The following PIK3R5 variants were observed in gnomAD, a reference collection of about 807,000 sequenced individuals.
The protein encoded by PIK3R5 is phosphoinositide-3-kinase regulatory subunit 5.
Under a neutral mutation model 94.9 loss-of-function variants are expected in PIK3R5, and 32 were observed. That is an observed-to-expected ratio of 0.34 (90% CI 0.25 to 0.45). PIK3R5 has a LOEUF of 0.45. Ranked by LOEUF, PIK3R5 falls within the 20% of genes least tolerant of loss-of-function variation. The pLI is 1.00. For synonymous variants in PIK3R5, 443 were observed against 479.4 expected (o/e 0.92, Z 0.99); for missense variants, 853 against 1,144.6 (o/e 0.75, Z 3.68).
intron 1 of PIK3R5, among the ~76,000 whole-genome samples, chr17:8,954,803 G>A (rs1475220333): frequency 6.6e-6 from 1 of 151,918 alleles, no homozygotes; most frequent in Non-Finnish European, 1.5e-5. Context: ...CTGGTGTAGT[G>A]GCGGGCACCT....
At position 8,920,696 on chromosome 17, in the gene PIK3R5, T is replaced by C. The variant is rs1193639211; in HGVS notation, c.-13-9189A>G. 3.3e-5 allele frequency among the ~76,000 whole-genome samples: 5 copies of C among 152,342 alleles called. No individual in the cohort carries two copies. The East Asian group carries it at 9.6e-4, about 29-fold the overall frequency. On this transcript the variant is annotated intron_variant, in intron 1 of 18. Transcript: ENST00000447110. ...ACAATATCATTCACTTTAATCAAGATTTTAAAGTTAATTAGCAAGAATCAG... is the reference window on the plus strand; with the variant it reads ...ACAATATCATTCACTTTAATCAAGACTTTAAAGTTAATTAGCAAGAATCAG...
chr17:8,909,067 C>T lies in PIK3R5; in HGVS notation c.204+7G>A, dbSNP rs1344472240. 5 of 1,574,912 alleles carry T rather than the reference C, an allele frequency of 3.2e-6. No individual in the cohort carries two copies. The East Asian group carries it at 1.1e-4, about 36-fold the overall frequency. The stretch of plus-strand genomic sequence containing the variant: ...GATCTGCCCTTCAATTCCTGACTCC[C>T]CCTCACCTCTCGGGTCTTCTGCAGG... On this transcript the variant is annotated splice_region_variant and intron_variant, in intron 3 of 18. Coordinates refer to ENST00000447110, the MANE Select transcript of PIK3R5 (RefSeq NM_001142633.3). This position sits in a 1 kb window ranked among gnomAD's most constrained non-coding sequence, Gnocchi z 4.3.
At chr17:8,938,822 T>C (rs1338557443) in intron 1 of PIK3R5, among the ~76,000 whole-genome samples, 2 of 152,222 alleles carry the variant, frequency 1.3e-5, no homozygotes, top group African/African-American at 4.8e-5. Context: ...CTCAAATGCT[T>C]GAATTTATGG....
intron 1 of PIK3R5, among the ~76,000 whole-genome samples, chr17:8,953,058 G>A (rs1369563474): frequency 6.6e-6 from 1 of 152,190 alleles, no homozygotes; most frequent in Non-Finnish European, 1.5e-5. Flanking sequence ...GACTGTAATA[G>A]CACAGTGCCT....
intron 5 of PIK3R5, among the ~76,000 whole-genome samples, chr17:8,894,396 T>C (rs9944492): frequency 0.028 from 4,215 of 152,146 alleles, 212 homozygotes; most frequent in African/African-American, 0.096. Flanking sequence ...AGCCAGGCAG[T>C]GGGTTTCGAG....
rs2151345560 is a variant in PIK3R5 at position 8,881,971 on chromosome 17, G to A, written c.2206-90C>T. 1.0e-6 allele frequency: 1 copy of A among 982,426 alleles called. No individual in the cohort carries two copies. Among genetic ancestry groups the A allele is most frequent in the East Asian group, 2.6e-5 (1 of 38,580 alleles). 60.9% of individuals were successfully genotyped at this position (982,426 alleles called of 1,614,324 possible). On this transcript the variant is annotated intron_variant, in intron 15 of 18. Transcript: ENST00000447110. This position sits in a 1 kb window ranked among gnomAD's most constrained non-coding sequence, Gnocchi z 4.8. Reference sequence around the variant, plus strand: ...GAAGGCCCATCAGTGACAGGGGGTTGCCTCTAGTTAGCATATCCCCAGAAA... The same window carrying A: ...GAAGGCCCATCAGTGACAGGGGGTTACCTCTAGTTAGCATATCCCCAGAAA...
At chr17:8,938,453 T>A (rs996718520) in intron 1 of PIK3R5, among the ~76,000 whole-genome samples, 3 of 152,246 alleles carry the variant, frequency 2.0e-5, no homozygotes, top group Admixed American at 6.5e-5. Flanking sequence ...ACTCACTAAG[T>A]ATGTAACCAT....
intron 1 of PIK3R5, among the ~76,000 whole-genome samples, chr17:8,938,801 T>A (rs4791770): frequency 0.98 from 149,094 of 152,332 alleles, 72,972 homozygotes; most frequent in African/African-American, 0.99. Context: ...TATATATTTG[T>A]AATTTTATTT....
chr17:8,926,012 G>A (rs888324107), intron 1 of PIK3R5, among the ~76,000 whole-genome samples: 1 of 152,196 alleles, frequency 6.6e-6, no homozygotes, highest in South Asian at 2.1e-4. Context: ...GAAGAGTGAG[G>A]AGAACACCTC....
Position 8,887,134 on chromosome 17 carries a change from G to A in PIK3R5, c.1867C>T (p.Leu623=), listed in dbSNP as rs762496723. Residue 623 remains leucine, a synonymous_variant, in exon 12 of 19, where the codon CTG becomes TTG. Coordinates refer to ENST00000447110, the MANE Select transcript of PIK3R5 (RefSeq NM_001142633.3). The stretch of plus-strand genomic sequence containing the variant: ...TCAGGGGGCAGGTGCATGAGGCCCA[G>A]TACATTGCGCTCATACCAGGGGTCC... The part of the protein sequence containing the change: ...MLDPWYERNV[L]GLMHLPPEVL... The A allele has an allele frequency of 2.5e-6, 4 of 1,613,982 alleles. No individual in the cohort carries two copies. The highest frequency in any genetic ancestry group is 1.1e-5 in the South Asian group (1 of 91,096).
intron 1 of PIK3R5, among the ~76,000 whole-genome samples, chr17:8,920,139 C>G (rs1442698398): frequency 5.3e-5 from 8 of 152,128 alleles, no homozygotes; most frequent in African/African-American, 1.9e-4. Flanking sequence ...CTGCCTCGGC[C>G]TCCCAAAGTG....
Position 8,888,868 on chromosome 17 carries a change from T to C in PIK3R5, c.919A>G (p.Lys307Glu), listed in dbSNP as rs61759659. ...CCTGGCTGGAGTAGCTCCTGTTCCT[T>C]GAGCAGGATTTCCTGCAGGATGTCT... ...SFDILQEILL[K>E]EQELLQPGIL... Residue 307 changes from lysine (K) to glutamate (E), a missense_variant, in exon 10 of 19, where the codon AAG becomes GAG. Transcript: ENST00000447110. The surrounding 1 kb of genome is among the most constrained non-coding windows in gnomAD (Gnocchi z 7.8). 2 of 1,601,296 alleles carry C rather than the reference T, an allele frequency of 1.2e-6. No individual in the cohort carries two copies. The highest frequency in any genetic ancestry group is 1.7e-6 in the Non-Finnish European group (2 of 1,177,772).
intron 1 of PIK3R5, among the ~76,000 whole-genome samples, chr17:8,948,338 A>G (rs2091316089): frequency 6.6e-6 from 1 of 152,184 alleles, no homozygotes; most frequent in African/African-American, 2.4e-5. Flanking sequence ...TTTAGTCAGC[A>G]GAAAATATGT....
Position 8,889,009 on chromosome 17 carries a change from C to T in PIK3R5, c.896-118G>A, listed in dbSNP as rs11654380. The T allele has an allele frequency of 0.28, 427,370 of 1,508,756 alleles. 63,792 individuals are homozygous for T. Among genetic ancestry groups the T allele is most frequent in the Non-Finnish European group, 0.31 (344,795 of 1,123,540 alleles). 93.5% of individuals were successfully genotyped at this position (1,508,756 alleles called of 1,614,324 possible). On this transcript the variant is annotated intron_variant, in intron 9 of 18. Coordinates refer to ENST00000447110, the MANE Select transcript of PIK3R5 (RefSeq NM_001142633.3). The surrounding 1 kb of genome is among the most constrained non-coding windows in gnomAD (Gnocchi z 4.1). ...CAGCCCAGGACTCCTAGCACTGCCC[C>T]CTTGCTCTGCTTAGAGCCTGCTCAT... is the stretch of plus-strand genomic sequence containing the variant.
intron 1 of PIK3R5, among the ~76,000 whole-genome samples, chr17:8,928,095 A>G (rs2090921985): frequency 6.6e-6 from 1 of 152,176 alleles, no homozygotes; most frequent in Non-Finnish European, 1.5e-5. Flanking sequence ...TATCCTTTAT[A>G]GCAGCACAAA....
chr17:8,933,759 T>C (rs1017160120), intron 1 of PIK3R5, among the ~76,000 whole-genome samples: 5 of 152,176 alleles, frequency 3.3e-5, no homozygotes, highest in Admixed American at 3.3e-4. Context: ...CCACTTGGAA[T>C]GCTGTACTTG....
At chr17:8,923,104 T>C (rs2090787939) in intron 1 of PIK3R5, among the ~76,000 whole-genome samples, 1 of 152,124 alleles carries the variant, frequency 6.6e-6, no homozygotes, top group South Asian at 2.1e-4. Context: ...CCAGATACCA[T>C]GCTTAGGGCT....
chr17:8,946,806 G>A (rs2091280137), intron 1 of PIK3R5, among the ~76,000 whole-genome samples: 1 of 151,988 alleles, frequency 6.6e-6, no homozygotes, highest in Admixed American at 6.6e-5. Context: ...TCTTCTAGGT[G>A]TCTGCCTGGC....
chr17:8,950,193 C>A (rs1241764601), intron 1 of PIK3R5, among the ~76,000 whole-genome samples: 2 of 152,214 alleles, frequency 1.3e-5, no homozygotes, highest in Admixed American at 6.5e-5. Context: ...TCATTACTGG[C>A]TTCATAACCT....
Sources: allele counts gnomAD v4.1 joint callset (sites outside exome capture counted in the v4.1 genomes callset), GRCh38; gene constraint gnomAD v4.1.1; non-coding constraint Gnocchi (gnomAD v3.1); transcripts MANE v1.5; gene names NCBI Gene and HGNC (gene_info 2026-07-23, HGNC 2026-07-21).